The following CLDN14 variants were observed in gnomAD, a reference collection of about 807,000 sequenced individuals.
The protein encoded by CLDN14 is claudin 14.
A neutral mutation model predicts 2.1 loss-of-function variants in CLDN14; 2 were observed. The ratio of observed to expected loss-of-function variants is 0.96; its 90% CI spans 0.39 to 3.01. The LOEUF (loss-of-function observed/expected upper bound fraction) is 3.01, where lower values mean the gene tolerates loss of function less well. Ranked by LOEUF, CLDN14 falls within the 30% of genes most tolerant of loss-of-function variation. CLDN14 has a pLI of 0.09. For missense variants in CLDN14, 298 were observed against 328.0 expected (o/e 0.91, Z 0.71); for synonymous variants, 136 against 154.4 (o/e 0.88, Z 0.88).
chr21:36,516,024 G>A (rs867404222), intron 1 of CLDN14, among the ~76,000 whole-genome samples: 1 of 151,902 alleles, frequency 6.6e-6, no homozygotes, highest in Non-Finnish European at 1.5e-5. Flanking sequence ...CTGACCTCAG[G>A]TGATCCCCCT....
intron 1 of CLDN14, among the ~76,000 whole-genome samples, chr21:36,572,806 T>C (rs894431904): frequency 6.6e-6 from 1 of 152,122 alleles, no homozygotes; most frequent in Non-Finnish European, 1.5e-5. Context: ...GTAAAATAGG[T>C]CTATTGATGA....
intron 1 of CLDN14, among the ~76,000 whole-genome samples, chr21:36,567,533 A>G (rs547087217): frequency 7.2e-4 from 109 of 152,320 alleles, no homozygotes; most frequent in Non-Finnish European, 1.3e-3. Flanking sequence ...ACTTTCATTT[A>G]GGGGGCTGGG....
Position 36,496,365 on chromosome 21 carries a change from A to G in CLDN14, c.-82+13998T>C, listed in dbSNP as rs1173563812. Among the ~76,000 whole-genome samples, 6 of 147,464 alleles carry G rather than the reference A, an allele frequency of 4.1e-5. No individual in the cohort carries two copies. In the Admixed American group the frequency reaches 4.1e-4, roughly 10 times the overall value. On this transcript the variant is annotated intron_variant, in intron 2 of 2. Transcript: ENST00000342108. Reference sequence around the variant, plus strand: ...GGTGGAAGGATCTCTTGAGCCCAGGAGGCTGAGGCCGCAGTGAGCCATGAT... The same window carrying G: ...GGTGGAAGGATCTCTTGAGCCCAGGGGGCTGAGGCCGCAGTGAGCCATGAT...
intron 1 of CLDN14, among the ~76,000 whole-genome samples, chr21:36,534,364 A>G (rs2087407559): frequency 6.6e-6 from 1 of 152,138 alleles, no homozygotes; most frequent in African/African-American, 2.4e-5. Context: ...GGTTGACAGG[A>G]AAAAGGGATG....
intron 1 of CLDN14, among the ~76,000 whole-genome samples, chr21:36,469,729 A>T (rs1386034030): frequency 6.6e-6 from 1 of 152,230 alleles, no homozygotes; most frequent in Non-Finnish European, 1.5e-5. Flanking sequence ...ACCGAAAACT[A>T]CAAACTTAAG....
chr21:36,489,127 A>ATATAT, intron 2 of CLDN14, among the ~76,000 whole-genome samples: 1 of 90,102 alleles, frequency 1.1e-5, no homozygotes, highest in African/African-American at 3.8e-5. Flanking sequence ...GAAAAAAAAA[A>ATATAT]AAAAATATAT....
intron 1 of CLDN14, among the ~76,000 whole-genome samples, chr21:36,560,747 T>A (rs957435253): frequency 2.0e-5 from 3 of 152,218 alleles, no homozygotes; most frequent in African/African-American, 7.2e-5. Context: ...TTACTACAAT[T>A]CAGATGTGCA....
chr21:36,507,315 C>A lies in CLDN14; in HGVS notation c.-82+3048G>T, dbSNP rs559077234. Among the ~76,000 whole-genome samples, 6 of 152,188 alleles carry A rather than the reference C, an allele frequency of 3.9e-5. No homozygotes were observed. The South Asian group carries it at 1.2e-3, about 32-fold the overall frequency. On this transcript the variant is annotated intron_variant, in intron 2 of 2. Coordinates refer to the CLDN14 transcript ENST00000342108. ...TCTTTTAGTGATGAGCCTTGGGGAC[C>A]CCATAAAACCCAGAGGAACATGTGG...
chr21:36,570,629 T>G (rs569779776), intron 1 of CLDN14, among the ~76,000 whole-genome samples: 2 of 151,406 alleles, frequency 1.3e-5, no homozygotes, highest in Non-Finnish European at 3.0e-5. Context: ...ATATATATTA[T>G]GGACATATAT....
intron 1 of CLDN14, among the ~76,000 whole-genome samples, chr21:36,465,718 T>G (rs2086637777): frequency 6.6e-6 from 1 of 152,234 alleles, no homozygotes; most frequent in African/African-American, 2.4e-5. Context: ...CATGCAGGGC[T>G]GAACTGGTGT....
At chr21:36,518,075 TACACAC>T (rs3030072) in intron 1 of CLDN14, among the ~76,000 whole-genome samples, 37,579 of 148,388 alleles carry the variant, frequency 0.25, 5,405 homozygotes, top group South Asian at 0.38. Flanking sequence ...CTTACATACG[TACACAC>T]ACACACACAC....
intron 2 of CLDN14, chr21:36,487,451 T>G (rs1455004528): frequency 6.3e-6 from 1 of 158,480 alleles, no homozygotes; most frequent in Non-Finnish European, 1.4e-5. Context: ...AAATAATCCT[T>G]CATGTATAAC....
At chr21:36,484,984 T>C (rs1383658280), upstream of CLDN14, among the ~76,000 whole-genome samples, 1 of 152,056 alleles carries the variant, frequency 6.6e-6, no homozygotes, top group Non-Finnish European at 1.5e-5. Flanking sequence ...AGTGCTGGGA[T>C]TACAGGCATG....
intron 1 of CLDN14, among the ~76,000 whole-genome samples, chr21:36,571,054 C>G (rs2087706670): frequency 6.6e-6 from 1 of 152,172 alleles, no homozygotes; most frequent in African/African-American, 2.4e-5. Context: ...GTTGGTCAGG[C>G]TGGTCTCGAA....
In CLDN14 at chr21:36,496,546, G is replaced by T. The variant is rs1165484048; in HGVS notation, c.-82+13817C>A. 2.0e-5 allele frequency among the ~76,000 whole-genome samples: 3 copies of T among 150,060 alleles called. No homozygotes were observed. The Admixed American group carries it at 2.0e-4, about 10-fold the overall frequency. Reference sequence around the variant, plus strand: ...ATCCCTCCAAATTTAGAACCAGGCAGGAGATTTAGGCACAAGAGCATCCCC... The same window carrying T: ...ATCCCTCCAAATTTAGAACCAGGCATGAGATTTAGGCACAAGAGCATCCCC... On this transcript the variant is annotated intron_variant, in intron 2 of 2. Transcript: ENST00000342108.
At chr21:36,574,287 G>A (rs1400354471) in intron 1 of CLDN14, among the ~76,000 whole-genome samples, 1 of 152,132 alleles carries the variant, frequency 6.6e-6, no homozygotes, top group East Asian at 1.9e-4. Context: ...AGATGTCAAA[G>A]TAATTCAATG....
chr21:36,500,393 TA>T (rs1196122804), intron 2 of CLDN14, among the ~76,000 whole-genome samples: 1 of 152,188 alleles, frequency 6.6e-6, no homozygotes, highest in African/African-American at 2.4e-5. Context: ...GTCTGGAGGA[TA>T]ATTTCCCAGG....
chr21:36,540,420 C>T (rs190496754), intron 1 of CLDN14, among the ~76,000 whole-genome samples: 19 of 152,186 alleles, frequency 1.2e-4, no homozygotes, highest in Non-Finnish European at 2.4e-4. Flanking sequence ...GTGGAACCTG[C>T]GGGTATGGAG....
chr21:36,504,825 G>T (rs1285384509), intron 2 of CLDN14, among the ~76,000 whole-genome samples: 3 of 152,180 alleles, frequency 2.0e-5, no homozygotes, highest in Non-Finnish European at 2.9e-5. Context: ...GACATCTTCT[G>T]ATTTGAAGAC....
Sources: allele counts gnomAD v4.1 joint callset (sites outside exome capture counted in the v4.1 genomes callset), GRCh38; gene constraint gnomAD v4.1.1; transcripts MANE v1.5; gene names NCBI Gene and HGNC (gene_info 2026-07-23, HGNC 2026-07-21).